The following LIPC variants were observed in gnomAD, a reference collection of about 807,000 sequenced individuals.
LIPC encodes the protein lipase C, hepatic type, also known as hepatic triacylglycerol lipase.
In LIPC, 44 loss-of-function variants were observed where a neutral mutation model predicts 50.7. The ratio of observed to expected loss-of-function variants is 0.87; its 90% CI spans 0.68 to 1.11. The LOEUF (loss-of-function observed/expected upper bound fraction) is 1.11, where lower values mean the gene tolerates loss of function less well. Among genes scored for constraint, LIPC ranks in the 50% most tolerant of loss-of-function variants. The pLI is 0.00. For missense variants in LIPC, 697 were observed against 648.2 expected, an observed-to-expected ratio of 1.08 and a Z score of -0.82; for synonymous variants, 271 against 256.4, an observed-to-expected ratio of 1.06 and a Z score of -0.54.
chr15:58,553,839 C>A (rs778775063), intron 6 of LIPC, among the ~76,000 whole-genome samples: 26 of 152,156 alleles, frequency 1.7e-4, no homozygotes, highest in Non-Finnish European at 3.2e-4. Flanking sequence ...GGCAGCAACA[C>A]CCTGGACAAC....
At chr15:58,476,473 G>A (rs1377086568) in intron 1 of LIPC, among the ~76,000 whole-genome samples, 2 of 152,236 alleles carry the variant, frequency 1.3e-5, no homozygotes, top group African/African-American at 4.8e-5. Flanking sequence ...CTTCTGGGAA[G>A]GTGTGAGTTG....
intron 6 of LIPC, among the ~76,000 whole-genome samples, chr15:58,560,212 C>T (rs1322863526): frequency 6.6e-6 from 1 of 152,204 alleles, no homozygotes; most frequent in African/African-American, 2.4e-5. Flanking sequence ...TTATCCTCTT[C>T]CAACCAACCC....
At chr15:58,493,152 C>T (rs1480738464) in intron 1 of LIPC, among the ~76,000 whole-genome samples, 2 of 152,132 alleles carry the variant, frequency 1.3e-5, no homozygotes, top group Admixed American at 1.3e-4. Flanking sequence ...ACCAAAAGAA[C>T]CCATACCCTC....
intron 1 of LIPC, among the ~76,000 whole-genome samples, chr15:58,518,160 C>G (rs1892539763): frequency 6.6e-6 from 1 of 152,228 alleles, no homozygotes; most frequent in Admixed American, 6.5e-5. Context: ...TATCCCTGGC[C>G]TCTACCCACT....
At chr15:58,433,228 T>C (rs929927646) in intron 1 of LIPC, among the ~76,000 whole-genome samples, 2 of 152,232 alleles carry the variant, frequency 1.3e-5, no homozygotes, top group African/African-American at 2.4e-5. Context: ...CCTTGGTTCA[T>C]AGTGATTTTG....
intron 1 of LIPC, among the ~76,000 whole-genome samples, chr15:58,459,401 C>T (rs200248979): frequency 3.4e-5 from 5 of 145,830 alleles, no homozygotes; most frequent in African/African-American, 7.6e-5. Context: ...TTTTTTCTTT[C>T]TTTTTTTTTT....
intron 4 of LIPC, among the ~76,000 whole-genome samples, chr15:58,543,503 C>A (rs1239801331): frequency 6.6e-6 from 1 of 152,126 alleles, no homozygotes; most frequent in Non-Finnish European, 1.5e-5. Context: ...TTTGCTTTGC[C>A]CACCACTCAG....
At chr15:58,557,158 G>T (rs1473504025) in intron 6 of LIPC, among the ~76,000 whole-genome samples, 1 of 152,116 alleles carries the variant, frequency 6.6e-6, no homozygotes, top group Admixed American at 6.5e-5. Flanking sequence ...TCTGGAGTCA[G>T]GTTGTGTGAG....
chr15:58,545,290 T>A (rs1314156346), intron 4 of LIPC, among the ~76,000 whole-genome samples: 1 of 152,070 alleles, frequency 6.6e-6, no homozygotes, highest in African/African-American at 2.4e-5. Context: ...CTAGACTGGG[T>A]CACAGTGGTG....
At chr15:58,471,665 G>T (rs1890809925) in intron 1 of LIPC, among the ~76,000 whole-genome samples, 1 of 152,184 alleles carries the variant, frequency 6.6e-6, no homozygotes, top group Non-Finnish European at 1.5e-5. Context: ...TTGCCTAAAA[G>T]AAACTTCTGG....
intron 1 of LIPC, among the ~76,000 whole-genome samples, chr15:58,497,536 A>G (rs1203483116): frequency 6.6e-6 from 1 of 151,946 alleles, no homozygotes; most frequent in African/African-American, 2.4e-5. Context: ...TGAAACCGTC[A>G]GATGGAAACA....
intron 1 of LIPC, among the ~76,000 whole-genome samples, chr15:58,438,569 C>T (rs1284264234): frequency 6.6e-6 from 1 of 152,200 alleles, no homozygotes; most frequent in African/African-American, 2.4e-5. Context: ...CGAGCCTAGT[C>T]TGTCCAGCAG....
intron 4 of LIPC, among the ~76,000 whole-genome samples, chr15:58,543,277 A>G (rs1893401941): frequency 6.6e-6 from 1 of 151,796 alleles, no homozygotes; most frequent in Admixed American, 6.6e-5. Flanking sequence ...AGCTGGTGAG[A>G]TTGTTCCCCA....
At chr15:58,527,218 G>A (rs1214164146) in intron 1 of LIPC, among the ~76,000 whole-genome samples, 1 of 152,194 alleles carries the variant, frequency 6.6e-6, no homozygotes, top group Admixed American at 6.5e-5. Flanking sequence ...TGCTTTTTTA[G>A]CCAGTTGTGG....
intron 1 of LIPC, among the ~76,000 whole-genome samples, chr15:58,514,293 T>C (rs1476883260): frequency 2.6e-5 from 4 of 152,238 alleles, no homozygotes; most frequent in African/African-American, 9.6e-5. Flanking sequence ...TGTTTAGTGA[T>C]TAAAGTCAAA....
intron 1 of LIPC, among the ~76,000 whole-genome samples, chr15:58,439,629 A>G (rs1893436166): frequency 6.6e-6 from 1 of 152,180 alleles, no homozygotes; most frequent in Non-Finnish European, 1.5e-5. Flanking sequence ...CTTTTAGTAG[A>G]GATGGGGTTT....
intron 1 of LIPC, among the ~76,000 whole-genome samples, chr15:58,488,202 C>T (rs1473177623): frequency 6.6e-6 from 1 of 152,188 alleles, no homozygotes; most frequent in Non-Finnish European, 1.5e-5. Flanking sequence ...ATCCAAGAGG[C>T]GGAGGTGGCA....
At chr15:58,520,403 T>G (rs1305386443) in intron 1 of LIPC, among the ~76,000 whole-genome samples, 1 of 152,124 alleles carries the variant, frequency 6.6e-6, no homozygotes, top group African/African-American at 2.4e-5. Context: ...TCGATGTGCC[T>G]ATTTAGAAAC....
intron 1 of LIPC, among the ~76,000 whole-genome samples, chr15:58,532,434 G>C (rs572713690): frequency 1.3e-5 from 2 of 152,294 alleles, no homozygotes; most frequent in Non-Finnish European, 2.9e-5. Context: ...AGAGTTTTCA[G>C]GGCAATTATG....
Sources: allele counts gnomAD v4.1 joint callset (sites outside exome capture counted in the v4.1 genomes callset), GRCh38; gene constraint gnomAD v4.1.1; transcripts MANE v1.5; gene names NCBI Gene and HGNC (gene_info 2026-07-23, HGNC 2026-07-21).